Variants in VRK2 observed in about 807,000 individuals in gnomAD.
VRK2 encodes VRK serine/threonine kinase 2, also known as serine/threonine-protein kinase VRK2.
VRK2 carries 60 observed loss-of-function variants against 57.6 expected under a neutral mutation model. The ratio of observed to expected loss-of-function variants is 1.04; its 90% CI spans 0.85 to 1.29. VRK2 has a LOEUF of 1.29. Among genes scored for constraint, VRK2 ranks in the 50% most tolerant of loss-of-function variants. The pLI is 0.00. For missense variants in VRK2, 705 were observed against 588.1 expected (o/e 1.20, Z -2.06); for synonymous variants, 231 against 199.2 (o/e 1.16, Z -1.35).
At chr2:57,927,421 T>C (rs1670576417) in intron 1 of VRK2, among the ~76,000 whole-genome samples, 1 of 151,878 alleles carries the variant, frequency 6.6e-6, no homozygotes, top group Admixed American at 6.6e-5. Flanking sequence ...GCATTACAGG[T>C]GCATGGCACC....
chr2:57,919,234 A>G (rs1670257329), intron 1 of VRK2, among the ~76,000 whole-genome samples: 1 of 152,096 alleles, frequency 6.6e-6, no homozygotes, highest in Non-Finnish European at 1.5e-5. Flanking sequence ...ATAAAAGATA[A>G]AGGTAAAAGA....
At chr2:57,958,882 G>T (rs1455287845) in intron 1 of VRK2, among the ~76,000 whole-genome samples, 1 of 152,138 alleles carries the variant, frequency 6.6e-6, no homozygotes. Flanking sequence ...TACAGATGTA[G>T]ATCAGTTGTG....
intron 12 of VRK2, among the ~76,000 whole-genome samples, chr2:58,149,242 A>T (rs1366408192): frequency 1.3e-5 from 2 of 151,686 alleles, no homozygotes; most frequent in Non-Finnish European, 3.0e-5. Context: ...TTCCATTAAA[A>T]TTATCTCTAA....
intron 7 of VRK2, among the ~76,000 whole-genome samples, chr2:58,106,033 A>C (rs1192422087): frequency 1.3e-5 from 2 of 151,994 alleles, no homozygotes; most frequent in Non-Finnish European, 2.9e-5. Context: ...GATTAGGTTC[A>C]GATTTGAATC....
intron 12 of VRK2, among the ~76,000 whole-genome samples, chr2:58,157,239 T>C (rs977413826): frequency 2.0e-5 from 3 of 151,988 alleles, no homozygotes; most frequent in Non-Finnish European, 2.9e-5. Flanking sequence ...ATGGCCAGAG[T>C]GGAAGTAGTG....
intron 1 of VRK2, among the ~76,000 whole-genome samples, chr2:57,912,027 A>T (rs1572850726): frequency 6.6e-6 from 1 of 152,172 alleles, no homozygotes; most frequent in South Asian, 2.1e-4. Context: ...ATCTTACTAG[A>T]CCCCATAAAA....
intron 8 of VRK2, among the ~76,000 whole-genome samples, chr2:58,128,690 G>A (rs1349593319): frequency 1.3e-5 from 2 of 152,096 alleles, no homozygotes; most frequent in Non-Finnish European, 2.9e-5. Context: ...GGATTTCAGT[G>A]CTGAGCTCTA....
At chr2:57,913,163 T>C (rs935960683) in intron 1 of VRK2, among the ~76,000 whole-genome samples, 1 of 152,180 alleles carries the variant, frequency 6.6e-6, no homozygotes, top group Non-Finnish European at 1.5e-5. Flanking sequence ...TCTAAGATCA[T>C]GAGAGGCCAG....
chr2:57,997,866 T>A (rs932935205), intron 1 of VRK2, among the ~76,000 whole-genome samples: 5 of 147,422 alleles, frequency 3.4e-5, no homozygotes, highest in African/African-American at 1.3e-4. Flanking sequence ...ACTACTGCAC[T>A]CCAGACTGGA....
At chr2:58,121,360 T>C (rs1157310209) in intron 7 of VRK2, among the ~76,000 whole-genome samples, 5 of 152,350 alleles carry the variant, frequency 3.3e-5, no homozygotes, top group Middle Eastern at 3.4e-3. Context: ...TTTTCTGATA[T>C]CTGCTTTGTA....
chr2:58,088,663 G>C (rs1325058398), intron 6 of VRK2, among the ~76,000 whole-genome samples: 1 of 152,172 alleles, frequency 6.6e-6, no homozygotes, highest in Non-Finnish European at 1.5e-5. Context: ...ATTAGGCTTT[G>C]GTTCTCCAGT....
At chr2:57,921,017 A>T (rs1287405241) in intron 1 of VRK2, among the ~76,000 whole-genome samples, 1 of 152,112 alleles carries the variant, frequency 6.6e-6, no homozygotes, top group African/African-American at 2.4e-5. Context: ...GATGAAGAAC[A>T]TGAGGCCTGA....
intron 1 of VRK2, among the ~76,000 whole-genome samples, chr2:57,967,259 G>A (rs147955168): frequency 0.054 from 8,215 of 152,056 alleles, 227 homozygotes; most frequent in East Asian, 0.094. Flanking sequence ...AGCATTAGGA[G>A]AAATACCTAA....
chr2:58,142,813 A>G (rs1403105621), intron 11 of VRK2, among the ~76,000 whole-genome samples: 3 of 151,880 alleles, frequency 2.0e-5, no homozygotes, highest in African/African-American at 7.2e-5. Flanking sequence ...GATCCTTTTA[A>G]TCGTTTATCA....
At chr2:57,936,963 T>A (rs1670932804) in intron 1 of VRK2, among the ~76,000 whole-genome samples, 1 of 152,212 alleles carries the variant, frequency 6.6e-6, no homozygotes, top group Admixed American at 6.5e-5. Flanking sequence ...CTGATCACAG[T>A]TTAAAACAAT....
intron 1 of VRK2, chr2:58,048,407 C>T: frequency 1.1e-5 from 5 of 462,364 alleles, no homozygotes; most frequent in Non-Finnish European, 1.8e-5. Context: ...GTGTTCTTTT[C>T]TAGTGACTGA....
chr2:58,062,752 A>G (rs777481967), intron 2 of VRK2, among the ~76,000 whole-genome samples: 4 of 152,086 alleles, frequency 2.6e-5, no homozygotes, highest in African/African-American at 4.8e-5. Context: ...AGGTTGGTTC[A>G]TGAGGTTTTA....
chr2:58,004,908 C>G (rs1020246649), intron 1 of VRK2, among the ~76,000 whole-genome samples: 2 of 152,082 alleles, frequency 1.3e-5, no homozygotes, highest in East Asian at 1.9e-4. Flanking sequence ...TAAATAATCA[C>G]CTATCAAATT....
intron 1 of VRK2, among the ~76,000 whole-genome samples, chr2:57,909,246 A>C (rs779493822): frequency 2.6e-5 from 4 of 152,214 alleles, no homozygotes; most frequent in Non-Finnish European, 4.4e-5. Flanking sequence ...CATAAACCTT[A>C]AAACTATCAC....
Sources: allele counts gnomAD v4.1 joint callset (sites outside exome capture counted in the v4.1 genomes callset), GRCh38; gene constraint gnomAD v4.1.1; transcripts MANE v1.5; gene names NCBI Gene and HGNC (gene_info 2026-07-23, HGNC 2026-07-21).